The following ADAMTS17 variants were observed in gnomAD, a reference collection of about 807,000 sequenced individuals.
ADAMTS17 encodes the protein ADAM metallopeptidase with thrombospondin type 1 motif 17.
ADAMTS17 carries 113 observed loss-of-function variants against 141.5 expected under a neutral mutation model. The observed-to-expected ratio is 0.80, with a 90% CI of 0.69 to 0.93. The LOEUF (loss-of-function observed/expected upper bound fraction) is 0.93. ADAMTS17 is among the 40% of genes least tolerant of loss of function. The probability of loss-of-function intolerance (pLI) is 0.00; values close to 1 mark genes in which losing one functional copy is unlikely to be tolerated. For synonymous variants in ADAMTS17, 768 were observed against 630.6 expected (o/e 1.22, Z -3.27); for missense variants, 1,659 against 1,517.9 (o/e 1.09, Z -1.54).
Position 99,977,379 on chromosome 15 carries a change from TATATATATATATATATATATA to T in ADAMTS17, c.2950-1178_2950-1158del, listed in dbSNP as rs1316003636. Among the ~76,000 whole-genome samples the T allele has an allele frequency of 5.2e-3, 125 of 24,002 alleles. 22 individuals carry two copies. Among genetic ancestry groups the T allele is most frequent in the Non-Finnish European group, 7.5e-3 (98 of 13,098 alleles). The allele number at this position is 24,002 out of a possible 152,430, so 15.7% of individuals were successfully genotyped here. On this transcript the variant is annotated intron_variant, in intron 20 of 21. Coordinates refer to ENST00000268070, the MANE Select transcript of ADAMTS17 (RefSeq NM_139057.4). ...ATATATATATATATATATATATATA[TATATATATATATATATATATA>T]ATTTTTTTTTTTTTTTTTTTTTTTT...
intron 12 of ADAMTS17, among the ~76,000 whole-genome samples, chr15:100,122,613 A>G (rs1220615140): frequency 6.6e-6 from 1 of 152,202 alleles, no homozygotes; most frequent in East Asian, 1.9e-4. Flanking sequence ...TTAATAGCCT[A>G]TTATCAAATG....
At chr15:100,230,818 T>TATGTTAGCAGGAGAAGCAAA (rs11276213) in intron 7 of ADAMTS17, among the ~76,000 whole-genome samples, 2 of 151,964 alleles carry the variant, frequency 1.3e-5, no homozygotes, top group African/African-American at 4.8e-5. Context: ...TTCGGAAACA[T>TATGTTAGCAGGAGAAGCAAA]GTCCACTGTT....
At chr15:100,186,595 G>A (rs11852968) in intron 8 of ADAMTS17, among the ~76,000 whole-genome samples, 1 of 152,102 alleles carries the variant, frequency 6.6e-6, no homozygotes, top group Non-Finnish European at 1.5e-5. Context: ...AGCGCCCGGG[G>A]CAGGCAGGAA....
At chr15:100,204,872 G>C (rs1320244058) in intron 7 of ADAMTS17, among the ~76,000 whole-genome samples, 1 of 152,214 alleles carries the variant, frequency 6.6e-6, no homozygotes, top group Non-Finnish European at 1.5e-5. Flanking sequence ...CAATGAATGT[G>C]CTGGCACATT....
At chr15:100,180,747 G>C (rs1319524594) in intron 8 of ADAMTS17, among the ~76,000 whole-genome samples, 2 of 152,092 alleles carry the variant, frequency 1.3e-5, no homozygotes, top group Non-Finnish European at 2.9e-5. Flanking sequence ...CTTTGGTTAA[G>C]TTAATTCTTA....
At position 100,055,651 on chromosome 15, in the gene ADAMTS17, TTTCCC is replaced by T. The variant is rs375914966; in HGVS notation, c.2138-1602_2138-1598del. Among the ~76,000 whole-genome samples the T allele has an allele frequency of 4.5e-3, 690 of 152,216 alleles. 11 individuals carry two copies. The highest frequency in any genetic ancestry group is 0.016 in the African/African-American group (662 of 41,526). On this transcript the variant is annotated intron_variant, in intron 15 of 21. Transcript: ENST00000268070. ...GCCCTGCCACTTGGAGCCGAATCTG[TTTCCC>T]TTCAAGAAATCCAACCCACAACTGA...
At position 100,125,270 on chromosome 15, in the gene ADAMTS17, A is replaced by G. The variant is rs539803711; in HGVS notation, c.1721+6737T>C. On this transcript the variant is annotated intron_variant, in intron 12 of 21. Transcript: ENST00000268070. ...TTAAGGCCTCCTCTGAAAGGTGTCC[A>G]AGTAACACATGTAACTTATGCTTCA... 7.2e-5 allele frequency among the ~76,000 whole-genome samples: 11 copies of G among 152,380 alleles called. No individual in the cohort carries two copies. The East Asian group carries it at 1.7e-3, about 24-fold the overall frequency.
rs574654122 is a variant in ADAMTS17 at position 99,996,140 on chromosome 15, T to C, written c.2796+1245A>G. On this transcript the variant is annotated intron_variant, in intron 19 of 21. Coordinates refer to ENST00000268070, the MANE Select transcript of ADAMTS17 (RefSeq NM_139057.4). ...CGCAATCTCGGCTCACTGCAACCTC[T>C]ACCTCCCAGGTTCAAGCAATTCTCC... Among the ~76,000 whole-genome samples the C allele has an allele frequency of 1.1e-4, 17 of 151,288 alleles. No individual in the cohort carries two copies. The South Asian group carries it at 3.0e-3, about 26-fold the overall frequency.
chr15:100,099,772 G>C (rs963120621), intron 14 of ADAMTS17, among the ~76,000 whole-genome samples: 21 of 27,658 alleles, frequency 7.6e-4, no homozygotes, highest in African/African-American at 2.6e-3. Context: ...GGATGGAACG[G>C]GGGGAAAAGC....
chr15:99,999,091 G>A (rs1201465037), intron 18 of ADAMTS17, among the ~76,000 whole-genome samples: 1 of 152,140 alleles, frequency 6.6e-6, no homozygotes, highest in Non-Finnish European at 1.5e-5. Context: ...CCAGCTGAGT[G>A]GCTCATCTGC....
chr15:100,096,443 C>G lies in ADAMTS17; in HGVS notation c.2050G>C (p.Ala684Pro), dbSNP rs1171469169. 1.2e-6 allele frequency: 2 copies of G among 1,614,164 alleles called. No individual in the cohort carries two copies. The highest frequency in any genetic ancestry group is 2.2e-5 in the South Asian group (2 of 91,086). Residue 684 changes from alanine to proline, a missense_variant, in exon 15 of 22, where the codon GCC becomes CCC. By Grantham distance (27) the Ala-to-Pro change is conservative (BLOSUM62 -1). Transcript: ENST00000268070. ...IGCDGIIGSAAKEDRCGVCSG... is the reference protein window; with the variant it reads ...IGCDGIIGSAPKEDRCGVCSG... ...CAGACCCCGCATCTGTCCTCTTTGG[C>G]TGCAGACCCGATGATGCCGTCACAG...
chr15:100,102,957 G>A (rs568005895), intron 14 of ADAMTS17, among the ~76,000 whole-genome samples: 38 of 152,108 alleles, frequency 2.5e-4, no homozygotes, highest in Non-Finnish European at 3.7e-4. Flanking sequence ...TTTCAGTGGC[G>A]ACTCTCCGCC....
At position 100,199,405 on chromosome 15, in the gene ADAMTS17, C is replaced by T. The variant is rs1352571559; in HGVS notation, c.1094G>A (p.Gly365Asp). 1.9e-6 allele frequency: 3 copies of T among 1,614,074 alleles called. No homozygotes were observed. Among genetic ancestry groups the T allele is most frequent in the Non-Finnish European group, 2.5e-6 (3 of 1,180,036 alleles). Residue 365 changes from glycine to aspartate, a missense_variant, in exon 8 of 22, where the codon GGT becomes GAT. Gly to Asp is a moderately conservative substitution (Grantham distance 94). Transcript: ENST00000268070. ...ACACTTCCTCTTAGCACTGCACACA[C>T]CTCCTAAGTAAGCAATTCCTGCAGC... The part of the protein sequence containing the change: ...CDTVGIAYLG[G>D]VCSAKRKCVL...
intron 3 of ADAMTS17, among the ~76,000 whole-genome samples, chr15:100,299,436 T>C (rs943197675): frequency 2.6e-5 from 4 of 151,446 alleles, no homozygotes; most frequent in African/African-American, 9.7e-5. Context: ...ACCACCACTT[T>C]TCAGCAAAGT....
intron 8 of ADAMTS17, among the ~76,000 whole-genome samples, chr15:100,190,698 C>T (rs1436159012): frequency 6.6e-6 from 1 of 152,204 alleles, no homozygotes; most frequent in Non-Finnish European, 1.5e-5. Context: ...AGGCAGGAAA[C>T]CAAACACCTG....
intron 4 of ADAMTS17, among the ~76,000 whole-genome samples, chr15:100,270,750 A>G (rs2043878218): frequency 2.0e-5 from 1 of 51,238 alleles, no homozygotes; most frequent in East Asian, 1.1e-3. Flanking sequence ...TTGTGGTAAA[A>G]TATGCATAAC....
At position 100,254,172 on chromosome 15, in the gene ADAMTS17, A is replaced by C. The variant is rs540291525; in HGVS notation, c.1039T>G (p.Phe347Val). Residue 347 changes from phenylalanine (F) to valine (V), a missense_variant, in exon 7 of 22, where the codon TTC becomes GTC. Phe to Val is a conservative substitution (Grantham distance 50). Transcript: ENST00000268070. ...DAAVFVTRTD[F>V]CVHKDEPCDT... ...CACGGTTCATCCTTGTGTACACAGAAATCTGTCCTAAAAAATAAAAAAGCC... is the reference window on the plus strand; with the variant it reads ...CACGGTTCATCCTTGTGTACACAGACATCTGTCCTAAAAAATAAAAAAGCC... The C allele has an allele frequency of 1.2e-5, 19 of 1,613,396 alleles. No individual in the cohort carries two copies. In the South Asian group the frequency reaches 2.0e-4, roughly 17 times the overall value.
At chr15:100,298,506 G>C (rs1292494418) in intron 3 of ADAMTS17, among the ~76,000 whole-genome samples, 2 of 152,092 alleles carry the variant, frequency 1.3e-5, no homozygotes, top group Non-Finnish European at 2.9e-5. Context: ...AAACTCATCA[G>C]TCCCATAAAC....
chr15:100,210,897 C>A (rs947523617), intron 7 of ADAMTS17, among the ~76,000 whole-genome samples: 1 of 151,942 alleles, frequency 6.6e-6, no homozygotes, highest in African/African-American at 2.4e-5. Flanking sequence ...GTCAGGAGAT[C>A]GAGACCATCC....
Sources: allele counts gnomAD v4.1 joint callset (sites outside exome capture counted in the v4.1 genomes callset), GRCh38; gene constraint gnomAD v4.1.1; transcripts MANE v1.5; gene names NCBI Gene and HGNC (gene_info 2026-07-23, HGNC 2026-07-21).